Variants in CDKN2B-AS1 observed in about 807,000 individuals in gnomAD.
CDKN2B-AS1 encodes CDKN2B antisense RNA 1 (non-protein coding).
chr9:22,022,183 G>A (rs1822044993), intron 1 of CDKN2B-AS1, among the ~76,000 whole-genome samples: 1 of 151,778 alleles, frequency 6.6e-6, no homozygotes, highest in Non-Finnish European at 1.5e-5. Flanking sequence ...ATTTGATCCA[G>A]TGTTGAGTTC....
At chr9:22,104,967 A>G (rs144507155) in intron 4 of CDKN2B-AS1, among the ~76,000 whole-genome samples, 7 of 152,310 alleles carry the variant, frequency 4.6e-5, no homozygotes, top group Admixed American at 4.6e-4. Context: ...TCTCTTTAGG[A>G]GGAAATAGGG....
chr9:22,071,994 G>T (rs1824313250), intron 4 of CDKN2B-AS1, among the ~76,000 whole-genome samples: 1 of 152,160 alleles, frequency 6.6e-6, no homozygotes, highest in Non-Finnish European at 1.5e-5. Flanking sequence ...ATTCTGAGAG[G>T]CAATACCATA....
At chr9:22,099,489 G>A (rs188559414) in intron 4 of CDKN2B-AS1, among the ~76,000 whole-genome samples, 15 of 152,272 alleles carry the variant, frequency 9.9e-5, no homozygotes, top group Non-Finnish European at 1.9e-4. Context: ...GTTTTTAGAT[G>A]CACATATACG....
At chr9:22,018,179 C>G (rs1821860036) in intron 1 of CDKN2B-AS1, among the ~76,000 whole-genome samples, 1 of 151,390 alleles carries the variant, frequency 6.6e-6, no homozygotes, top group African/African-American at 2.4e-5. Context: ...CAAAAATTAG[C>G]TGGGGGTGGT....
intron 4 of CDKN2B-AS1, among the ~76,000 whole-genome samples, chr9:22,105,721 G>A (rs549389464): frequency 5.9e-5 from 9 of 152,310 alleles, no homozygotes; most frequent in Non-Finnish European, 8.8e-5. Flanking sequence ...GAATGGAGAA[G>A]TGCCAATGTC....
chr9:22,085,020 A>C (rs1281054432), intron 4 of CDKN2B-AS1, among the ~76,000 whole-genome samples: 1 of 152,200 alleles, frequency 6.6e-6, no homozygotes, highest in Admixed American at 6.5e-5. Context: ...GTATGAGAAC[A>C]GGAGAAATGT....
intron 1 of CDKN2B-AS1, chr9:22,003,502 A>G (rs1210079625): frequency 8.7e-6 from 2 of 228,856 alleles, no homozygotes; most frequent in Non-Finnish European, 1.7e-5. Context: ...GGAATTTAAG[A>G]TATAGAGGTC....
At chr9:22,029,990 G>A (rs1356614141) in intron 1 of CDKN2B-AS1, 1 of 152,148 alleles carries the variant, frequency 6.6e-6, no homozygotes, top group Non-Finnish European at 1.5e-5. Flanking sequence ...TCTTACAATC[G>A]ATTTTAAGTC....
chr9:22,115,015 T>A (rs1825909183), intron 4 of CDKN2B-AS1, among the ~76,000 whole-genome samples: 1 of 152,152 alleles, frequency 6.6e-6, no homozygotes, highest in Non-Finnish European at 1.5e-5. Flanking sequence ...TCCTTAGAAA[T>A]GTTATTGTAG....
At chr9:22,117,134 G>A (rs1238875837) in intron 4 of CDKN2B-AS1, among the ~76,000 whole-genome samples, 1 of 152,162 alleles carries the variant, frequency 6.6e-6, no homozygotes, top group African/African-American at 2.4e-5. Flanking sequence ...AAAATGTCTT[G>A]GGTGTTTACT....
intron 2 of CDKN2B-AS1, among the ~76,000 whole-genome samples, chr9:22,047,980 A>G (rs961364143): frequency 6.6e-6 from 1 of 150,424 alleles, no homozygotes; most frequent in African/African-American, 2.4e-5. Flanking sequence ...TTTTTTGTAG[A>G]GATGGGTTTT....
At chr9:22,085,744 C>T (rs1824850110) in intron 4 of CDKN2B-AS1, among the ~76,000 whole-genome samples, 1 of 150,568 alleles carries the variant, frequency 6.6e-6, no homozygotes, top group East Asian at 1.9e-4. Flanking sequence ...AAAAAAAGTC[C>T]CTCTCTTTAT....
intron 1 of CDKN2B-AS1, among the ~76,000 whole-genome samples, chr9:22,028,816 T>C (rs1822346030): frequency 6.6e-6 from 1 of 152,154 alleles, no homozygotes; most frequent in African/African-American, 2.4e-5. Flanking sequence ...TAGATTTGAA[T>C]TGATTAAGGA....
intron 1 of CDKN2B-AS1, among the ~76,000 whole-genome samples, chr9:22,020,299 A>T (rs1196948121): frequency 6.6e-6 from 1 of 151,914 alleles, no homozygotes; most frequent in Non-Finnish European, 1.5e-5. Context: ...TGTTGATTCA[A>T]TTTTTTTTGG....
chr9:22,128,132 C>G (rs1818042043), downstream of CDKN2B-AS1, among the ~76,000 whole-genome samples: 1 of 151,606 alleles, frequency 6.6e-6, no homozygotes, highest in South Asian at 2.1e-4. Context: ...AAATGATCAA[C>G]TTTTTATTAA....
chr9:22,096,632 C>G (rs902355427), intron 4 of CDKN2B-AS1: 1 of 152,252 alleles, frequency 6.6e-6, no homozygotes, highest in Non-Finnish European at 1.5e-5. Context: ...TATGACCTCT[C>G]AAGGACCTTT....
intron 4 of CDKN2B-AS1, among the ~76,000 whole-genome samples, chr9:22,101,127 C>A (rs1215866267): frequency 2.6e-5 from 4 of 152,116 alleles, no homozygotes; most frequent in Non-Finnish European, 5.9e-5. Context: ...ATTCCTCTAC[C>A]TTTCAGAGAC....
At chr9:22,020,987 C>T (rs751133018) in intron 1 of CDKN2B-AS1, among the ~76,000 whole-genome samples, 5 of 152,134 alleles carry the variant, frequency 3.3e-5, no homozygotes, top group Non-Finnish European at 1.5e-5. Context: ...AGACTGTCTT[C>T]CAGGGTTTTG....
chr9:22,089,049 C>T (rs752055640), intron 4 of CDKN2B-AS1, among the ~76,000 whole-genome samples: 19 of 152,132 alleles, frequency 1.2e-4, no homozygotes, highest in East Asian at 5.8e-4. Flanking sequence ...AAAAATATCA[C>T]GATTCTAATT....
Sources: gnomAD v4.1 joint callset for allele counts (sites outside exome capture counted in the v4.1 genomes callset) on GRCh38, gnomAD v4.1.1 for gene constraint, MANE v1.5 for transcripts, NCBI Gene and HGNC (gene_info 2026-07-23, HGNC 2026-07-21) for gene names.